ERO1B: variants seen among roughly 807,000 people sequenced by gnomAD.
ERO1B encodes the protein ERO1-like protein beta.
Under a neutral mutation model 75.3 loss-of-function variants are expected in ERO1B, and 49 were observed. That is an observed-to-expected ratio of 0.65 (90% CI 0.52 to 0.83). ERO1B has a LOEUF of 0.83. Among genes scored for constraint, ERO1B ranks in the 40% least tolerant of loss-of-function variants. The pLI, the probability that ERO1B is intolerant of heterozygous loss-of-function variation, is 0.00. For missense variants in ERO1B, 512 were observed against 560.1 expected, an observed-to-expected ratio of 0.91 and a Z score of 0.87; for synonymous variants, 191 against 192.9, an observed-to-expected ratio of 0.99 and a Z score of 0.08.
At chr1:236,243,805 C>A (rs1664771281) in intron 5 of ERO1B, among the ~76,000 whole-genome samples, 1 of 152,036 alleles carries the variant, frequency 6.6e-6, no homozygotes, top group South Asian at 2.1e-4. Context: ...AAAACTCAAG[C>A]TAAACTTTTC....
At chr1:236,235,857 C>A (rs761045380) in intron 7 of ERO1B, 22 bp from the exon 8 acceptor site, 48 of 1,605,092 alleles carry the variant, frequency 3.0e-5, no homozygotes, top group Non-Finnish European at 3.9e-5. Flanking sequence ...AGCATAATAC[C>A]CAAACATAGA....
At chr1:236,244,829 T>G (rs182985668) in intron 5 of ERO1B, among the ~76,000 whole-genome samples, 96 of 150,316 alleles carry the variant, frequency 6.4e-4, no homozygotes, top group Non-Finnish European at 1.1e-3. Flanking sequence ...TTTCCAAATG[T>G]CAGTTTGAAG....
intron 5 of ERO1B, among the ~76,000 whole-genome samples, chr1:236,245,223 G>A (rs1299080079): frequency 6.9e-6 from 1 of 144,336 alleles, no homozygotes; most frequent in Non-Finnish European, 1.5e-5. Flanking sequence ...TCAAACTCCT[G>A]GGCTCAAGTG....
chr1:236,246,608 A>T (rs1385048922), intron 5 of ERO1B, among the ~76,000 whole-genome samples: 1 of 152,246 alleles, frequency 6.6e-6, no homozygotes, highest in African/African-American at 2.4e-5. Context: ...AAAAACATGA[A>T]TGAATCTCAG....
At chr1:236,221,632 G>A (rs1664144411) in intron 14 of ERO1B, among the ~76,000 whole-genome samples, 1 of 151,946 alleles carries the variant, frequency 6.6e-6, no homozygotes, top group South Asian at 2.1e-4. Flanking sequence ...TGTAAAATAC[G>A]GATATACTCG....
chr1:236,279,961 T>G (rs192805476), intron 1 of ERO1B, among the ~76,000 whole-genome samples: 1 of 152,208 alleles, frequency 6.6e-6, no homozygotes, highest in African/African-American at 2.4e-5. Context: ...ACTGTTGGAC[T>G]ATATTTATAT....
chr1:236,226,943 T>C (rs887637824), intron 10 of ERO1B, among the ~76,000 whole-genome samples: 1 of 152,174 alleles, frequency 6.6e-6, no homozygotes. Flanking sequence ...CTGAATATGA[T>C]GAGAACTTAA....
intron 2 of ERO1B, among the ~76,000 whole-genome samples, chr1:236,266,176 G>A (rs1219280744): frequency 6.6e-6 from 1 of 152,178 alleles, no homozygotes; most frequent in African/African-American, 2.4e-5. Context: ...AATATTTACT[G>A]CATAAAGGAA....
intron 6 of ERO1B, among the ~76,000 whole-genome samples, chr1:236,242,254 T>G (rs1664728353): frequency 6.6e-6 from 1 of 152,200 alleles, no homozygotes; most frequent in Non-Finnish European, 1.5e-5. Context: ...TTATTTATAC[T>G]TTAATCAAAG....
intron 2 of ERO1B, among the ~76,000 whole-genome samples, chr1:236,268,347 G>A (rs141792426): frequency 2.6e-5 from 4 of 152,214 alleles, no homozygotes; most frequent in African/African-American, 9.6e-5. Context: ...GGCTGAGGCA[G>A]AAGAATCGCT....
intron 5 of ERO1B, 136 bp downstream of exon 5, chr1:236,249,747 AAG>A (rs1194539324): frequency 3.4e-6 from 2 of 585,750 alleles, no homozygotes; most frequent in Non-Finnish European, 5.7e-6. Context: ...ATTTAGGATA[AAG>A]AAAAACTTTT....
At chr1:236,235,858 C>G (rs1210768373) in intron 7 of ERO1B, 23 bp from the exon 8 acceptor site, 1 of 1,604,248 alleles carries the variant, frequency 6.2e-7, no homozygotes, top group East Asian at 2.2e-5. Context: ...GCATAATACC[C>G]AAACATAGAA....
chr1:236,269,831 T>A, intron 2 of ERO1B, 44 bp downstream of exon 2: 1 of 1,388,330 alleles, frequency 7.2e-7, no homozygotes, highest in Non-Finnish European at 9.8e-7. Flanking sequence ...AAAGGTCACA[T>A]ATAATACCTT....
chr1:236,250,618 T>A (rs2254375), intron 4 of ERO1B, among the ~76,000 whole-genome samples: 1 of 110,234 alleles, frequency 9.1e-6, no homozygotes, highest in African/African-American at 3.4e-5. Context: ...TATATATATA[T>A]CAAACGTGTG....
chr1:236,233,647 A>C (rs1013622797), intron 8 of ERO1B, among the ~76,000 whole-genome samples: 1 of 150,276 alleles, frequency 6.7e-6, no homozygotes, highest in African/African-American at 2.5e-5. Flanking sequence ...TAACATCAGA[A>C]AGCAACTAAA....
At chr1:236,249,415 T>A (rs895165493) in intron 5 of ERO1B, among the ~76,000 whole-genome samples, 2 of 152,228 alleles carry the variant, frequency 1.3e-5, no homozygotes, top group African/African-American at 4.8e-5. Context: ...CATTTTATAC[T>A]ACACAATTTG....
At chr1:236,256,952 G>T (rs1031458034) in intron 2 of ERO1B, among the ~76,000 whole-genome samples, 1 of 152,088 alleles carries the variant, frequency 6.6e-6, no homozygotes, top group African/African-American at 2.4e-5. Context: ...AAGAATACAG[G>T]CATCTGCCTC....
chr1:236,232,772 A>AT (rs1181478611), intron 9 of ERO1B, 56 bp downstream of exon 9: 1 of 1,541,498 alleles, frequency 6.5e-7, no homozygotes. Context: ...TCAAATTCTG[A>AT]TTGTTACAAA....
intron 15 of ERO1B, chr1:236,220,543 T>C: frequency 5.0e-6 from 1 of 201,084 alleles, no homozygotes; most frequent in Non-Finnish European, 9.9e-6. Context: ...ACTCCTGCTA[T>C]TGTAGTTGAA....
Sources: allele counts gnomAD v4.1 joint callset (sites outside exome capture counted in the v4.1 genomes callset), GRCh38; gene constraint gnomAD v4.1.1; transcripts MANE v1.5; gene names NCBI Gene and HGNC (gene_info 2026-07-23, HGNC 2026-07-21).